Variants in ITFG1 observed in about 807,000 individuals in gnomAD.
The protein encoded by ITFG1 is T-cell immunomodulatory protein.
A neutral mutation model predicts 81.8 loss-of-function variants in ITFG1; 34 were observed. That is an observed-to-expected ratio of 0.42 (90% CI 0.32 to 0.55). ITFG1 has a LOEUF of 0.55. Among genes scored for constraint, ITFG1 ranks in the 20% least tolerant of loss-of-function variants. The probability of loss-of-function intolerance (pLI) is 0.17; values close to 1 mark genes in which losing one functional copy is unlikely to be tolerated. For synonymous variants in ITFG1, 285 were observed against 270.6 expected (o/e 1.05, Z -0.52); for missense variants, 672 against 755.4 (o/e 0.89, Z 1.29).
chr16:47,394,989 T>A (rs914627893), intron 6 of ITFG1, among the ~76,000 whole-genome samples: 1 of 152,300 alleles, frequency 6.6e-6, no homozygotes, highest in African/African-American at 2.4e-5. Flanking sequence ...TTCATGCCAA[T>A]ATACAATATG....
intron 13 of ITFG1, among the ~76,000 whole-genome samples, chr16:47,234,654 C>T (rs1302916065): frequency 2.6e-5 from 4 of 151,998 alleles, no homozygotes; most frequent in Non-Finnish European, 5.9e-5. Context: ...AATCTTGAAA[C>T]AAGCCAGAAA....
chr16:47,268,414 G>T (rs1966302479), intron 10 of ITFG1, among the ~76,000 whole-genome samples: 1 of 152,130 alleles, frequency 6.6e-6, no homozygotes, highest in African/African-American at 2.4e-5. Flanking sequence ...CTTCACTGAT[G>T]AATTCTACCA....
At position 47,385,133 on chromosome 16, in the gene ITFG1, A is replaced by G. The variant is rs181144667; in HGVS notation, c.656-9193T>C. On this transcript the variant is annotated intron_variant, in intron 6 of 17. Coordinates refer to ENST00000320640, the MANE Select transcript of ITFG1 (RefSeq NM_030790.5). ...TTTAAGAAGTTATTATATTCACATT[A>G]GTGAAATGCTAACATTACCAACACG... Among the ~76,000 whole-genome samples, 248 of 152,380 alleles carry G rather than the reference A, an allele frequency of 1.6e-3. 2 individuals are homozygous for G. Among genetic ancestry groups the G allele is most frequent in the Non-Finnish European group, 2.8e-3 (188 of 68,042 alleles).
chr16:47,206,246 A>G (rs1413506916), intron 14 of ITFG1, among the ~76,000 whole-genome samples: 1 of 152,120 alleles, frequency 6.6e-6, no homozygotes, highest in Non-Finnish European at 1.5e-5. Context: ...GTTGGATCCA[A>G]AGAACACATG....
chr16:47,252,575 T>C (rs1206730403), intron 12 of ITFG1, among the ~76,000 whole-genome samples: 1 of 152,174 alleles, frequency 6.6e-6, no homozygotes, highest in Non-Finnish European at 1.5e-5. Flanking sequence ...TAACTAGTCT[T>C]GATTCAGGGG....
intron 8 of ITFG1, among the ~76,000 whole-genome samples, chr16:47,327,987 G>C (rs1334125942): frequency 6.6e-6 from 1 of 152,216 alleles, no homozygotes; most frequent in Non-Finnish European, 1.5e-5. Flanking sequence ...ATACCCAAAG[G>C]ATTATAAATA....
At chr16:47,312,206 G>A (rs546515605) in intron 9 of ITFG1, 40 of 152,266 alleles carry the variant, frequency 2.6e-4, no homozygotes, top group African/African-American at 8.7e-4. Context: ...TGCCATTAAA[G>A]TTATAGTTGT....
chr16:47,364,643 G>A (rs1008145239), intron 8 of ITFG1, among the ~76,000 whole-genome samples: 5 of 152,110 alleles, frequency 3.3e-5, no homozygotes, highest in African/African-American at 1.2e-4. Flanking sequence ...AAAGGCAACA[G>A]AAATTTACTT....
At chr16:47,450,505 C>A in intron 5 of ITFG1, 1 of 334,326 alleles carries the variant, frequency 3.0e-6, no homozygotes, top group Non-Finnish European at 5.7e-6. Flanking sequence ...TTCAGAATAC[C>A]TTAAAAATTT....
At chr16:47,238,256 T>C (rs1236635683) in intron 12 of ITFG1, 2 of 301,896 alleles carry the variant, frequency 6.6e-6, no homozygotes, top group Non-Finnish European at 1.2e-5. Context: ...AAATTATGAT[T>C]ATATCATACC....
chr16:47,247,941 C>A (rs1966022297), intron 12 of ITFG1, among the ~76,000 whole-genome samples: 1 of 152,002 alleles, frequency 6.6e-6, no homozygotes, highest in Admixed American at 6.5e-5. Context: ...GATGATGCAT[C>A]CTCTCAATGT....
chr16:47,177,097 G>A (rs1965037779), intron 14 of ITFG1, among the ~76,000 whole-genome samples: 1 of 151,858 alleles, frequency 6.6e-6, no homozygotes, highest in Admixed American at 6.6e-5. Flanking sequence ...GTAGCTGGGA[G>A]TATAGGCACA....
upstream of ITFG1, chr16:47,461,164 GCTC>G: frequency 9.0e-7 from 1 of 1,105,784 alleles, no homozygotes; most frequent in Non-Finnish European, 1.2e-6. Context: ...GCCGCTGCCG[GCTC>G]CTTTTTCTCT....
chr16:47,430,389 C>A (rs935629795), intron 5 of ITFG1, among the ~76,000 whole-genome samples: 1 of 151,944 alleles, frequency 6.6e-6, no homozygotes, highest in Admixed American at 6.6e-5. Context: ...CTTGATAGTA[C>A]AAGTTTTTAA....
chr16:47,259,657 A>T (rs188587998), intron 11 of ITFG1, among the ~76,000 whole-genome samples: 2 of 152,334 alleles, frequency 1.3e-5, no homozygotes, highest in Admixed American at 1.3e-4. Flanking sequence ...TTTTAAAAAT[A>T]AATTATCTTA....
At chr16:47,279,378 T>C (rs1249107460) in intron 10 of ITFG1, among the ~76,000 whole-genome samples, 1 of 152,150 alleles carries the variant, frequency 6.6e-6, no homozygotes, top group Non-Finnish European at 1.5e-5. Context: ...CAATACCATC[T>C]GTTATAAAGA....
intron 3 of ITFG1, among the ~76,000 whole-genome samples, 181 bp downstream of exon 3, chr16:47,453,832 A>G (rs138594572): frequency 1.3e-5 from 2 of 152,356 alleles, no homozygotes; most frequent in East Asian, 3.9e-4. Context: ...GTTTGTCAGT[A>G]GAAGTGATCC....
intron 6 of ITFG1, among the ~76,000 whole-genome samples, chr16:47,380,344 A>G (rs961495187): frequency 3.9e-5 from 6 of 152,194 alleles, no homozygotes; most frequent in Admixed American, 3.3e-4. Flanking sequence ...CTGTTTGATG[A>G]TGATGACGGA....
At chr16:47,373,984 T>C (rs1968292816) in intron 7 of ITFG1, among the ~76,000 whole-genome samples, 1 of 152,242 alleles carries the variant, frequency 6.6e-6, no homozygotes, top group African/African-American at 2.4e-5. Context: ...ATTGTTACTG[T>C]GGAAACTGAG....
Sources: allele counts gnomAD v4.1 joint callset (sites outside exome capture counted in the v4.1 genomes callset), GRCh38; gene constraint gnomAD v4.1.1; transcripts MANE v1.5; gene names NCBI Gene and HGNC (gene_info 2026-07-23, HGNC 2026-07-21).